JAM2: variants seen among roughly 807,000 people sequenced by gnomAD.
The protein encoded by JAM2 is junctional adhesion molecule B.
In JAM2, 17 loss-of-function variants were observed where a neutral mutation model predicts 42.0. The observed-to-expected ratio is 0.40, with a 90% CI of 0.28 to 0.61. The LOEUF (loss-of-function observed/expected upper bound fraction) is 0.61. Ranked by LOEUF, JAM2 falls within the 20% of genes least tolerant of loss-of-function variation. The probability of loss-of-function intolerance (pLI) is 0.37; values close to 1 mark genes in which losing one functional copy is unlikely to be tolerated. For missense variants in JAM2, 319 were observed against 358.3 expected (o/e 0.89, Z 0.89); for synonymous variants, 118 against 128.6 (o/e 0.92, Z 0.56).
chr21:25,680,537 A>C (rs2033604919), intron 1 of JAM2, among the ~76,000 whole-genome samples: 1 of 152,370 alleles, frequency 6.6e-6, no homozygotes, highest in African/African-American at 2.4e-5. Context: ...TTGTAAAAAT[A>C]AGACAAAGTT....
chr21:25,679,655 C>T (rs767725060), intron 1 of JAM2, among the ~76,000 whole-genome samples: 2 of 152,234 alleles, frequency 1.3e-5, no homozygotes, highest in Non-Finnish European at 2.9e-5. Context: ...GACCTCCCCT[C>T]TGGGGTTACG....
chr21:25,694,940 AGTTACAAGACTAAAACAGCTCCC>A (rs1477894239), intron 4 of JAM2, among the ~76,000 whole-genome samples: 1 of 151,004 alleles, frequency 6.6e-6, no homozygotes, highest in Admixed American at 6.6e-5. Flanking sequence ...TAATCTACCA[AGTTACAAGACTAAAACAGCTCCC>A]CTTCCTTTTT....
chr21:25,668,277 G>A (rs1337423191), intron 1 of JAM2, among the ~76,000 whole-genome samples: 1 of 152,234 alleles, frequency 6.6e-6, no homozygotes, highest in Admixed American at 6.5e-5. Context: ...GAGCAGAAGA[G>A]TGCCATGATC....
intron 1 of JAM2, chr21:25,643,570 G>C (rs751074273): frequency 7.2e-5 from 11 of 152,146 alleles, no homozygotes; most frequent in Non-Finnish European, 1.3e-4. Flanking sequence ...GGAAAATTCT[G>C]CCCTCTGTAT....
rs150826442 is a variant in JAM2 at position 25,665,760 on chromosome 21, G to A, written c.68-18123G>A. Among the ~76,000 whole-genome samples, 345 of 152,244 alleles carry A rather than the reference G, an allele frequency of 2.3e-3. 3 individuals carry two copies. Among genetic ancestry groups the A allele is most frequent in the African/African-American group, 7.9e-3 (329 of 41,534 alleles). ...TTACCGATTTAAATGTTAATCTCAC[G>A]CCACACACAGTGGCTCACGTCTGTA... On this transcript the variant is annotated intron_variant, in intron 1 of 9. Coordinates refer to ENST00000480456, the MANE Select transcript of JAM2 (RefSeq NM_021219.4).
At chr21:25,712,497 GTCTA>G in intron 9 of JAM2, 115 bp downstream of exon 9, 1 of 689,892 alleles carries the variant, frequency 1.4e-6, no homozygotes, top group South Asian at 1.9e-5. Context: ...TTGCACCAGT[GTCTA>G]TCACTGGTGT....
intron 1 of JAM2, among the ~76,000 whole-genome samples, chr21:25,660,383 A>T (rs2033046566): frequency 6.6e-6 from 1 of 152,200 alleles, no homozygotes; most frequent in Non-Finnish European, 1.5e-5. Flanking sequence ...ATTAACAGAG[A>T]GTGTGCTCAA....
chr21:25,692,027 C>T (rs8129913), intron 3 of JAM2, among the ~76,000 whole-genome samples: 71,388 of 150,158 alleles, frequency 0.48, 17,173 homozygotes, highest in South Asian at 0.67. Flanking sequence ...AAAAAATTTA[C>T]ATACATAATG....
intron 1 of JAM2, among the ~76,000 whole-genome samples, chr21:25,654,817 C>T (rs556043438): frequency 3.3e-4 from 50 of 152,194 alleles, no homozygotes; most frequent in African/African-American, 1.1e-3. Context: ...CAAGGTAGCA[C>T]GTGCATGAAC....
chr21:25,649,729 G>C (rs1051558725), intron 1 of JAM2, among the ~76,000 whole-genome samples: 4 of 152,160 alleles, frequency 2.6e-5, no homozygotes, highest in Non-Finnish European at 4.4e-5. Flanking sequence ...AGAGAGATGA[G>C]ACAATAGAGA....
chr21:25,655,350 ATTTTTT>A lies in JAM2; in HGVS notation c.67+15478_67+15483del, dbSNP rs751257378. On this transcript the variant is annotated intron_variant, in intron 1 of 9. Transcript: ENST00000480456. ...AACATGATAAATATACTGAAATTCT[ATTTTTT>A]TTTTTTTTTTTTTTTGTCCTTGAAG... Among the ~76,000 whole-genome samples the A allele has an allele frequency of 7.6e-3, 766 of 100,208 alleles. 8 individuals carry two copies. The highest frequency in any genetic ancestry group is 0.028 in the African/African-American group (731 of 25,848). 65.7% of individuals were successfully genotyped at this position (100,208 alleles called of 152,430 possible). A position where few individuals can be genotyped will look rare whatever the true frequency, so the allele number is the denominator to read the frequency against.
At chr21:25,666,418 G>A (rs929017547) in intron 1 of JAM2, among the ~76,000 whole-genome samples, 3 of 151,716 alleles carry the variant, frequency 2.0e-5, no homozygotes, top group Admixed American at 6.6e-5. Flanking sequence ...TCTGCCTCCC[G>A]GGTTCAAGCT....
chr21:25,693,614 A>G (rs1305767306), intron 3 of JAM2, 142 bp from the exon 4 acceptor site: 3 of 700,226 alleles, frequency 4.3e-6, no homozygotes. Flanking sequence ...AACAGCATCT[A>G]TATACAACTT....
chr21:25,703,743 C>T (rs1218481462), intron 6 of JAM2, among the ~76,000 whole-genome samples: 3 of 141,202 alleles, frequency 2.1e-5, no homozygotes, highest in East Asian at 4.0e-4. Flanking sequence ...AAAATGGTAC[C>T]TTCCTTTTAT....
intron 1 of JAM2, among the ~76,000 whole-genome samples, chr21:25,663,171 C>T (rs1438492922): frequency 6.6e-6 from 1 of 152,034 alleles, no homozygotes; most frequent in Non-Finnish European, 1.5e-5. Flanking sequence ...ACCATGGGTG[C>T]CTTGAACATA....
intron 2 of JAM2, among the ~76,000 whole-genome samples, chr21:25,689,319 T>C (rs962393270): frequency 9.2e-5 from 14 of 152,190 alleles, no homozygotes; most frequent in African/African-American, 3.4e-4. Flanking sequence ...AGTGAGAATA[T>C]AGCATGTTGT....
rs111937227 is a variant in JAM2, at chr21:25,663,526, C to G, written c.68-20357C>G. On this transcript the variant is annotated intron_variant, in intron 1 of 9. Coordinates refer to ENST00000480456, the MANE Select transcript of JAM2 (RefSeq NM_021219.4). ...TTAAGAAGTGATCGATTCATGAGGA[C>G]TCTGCCTTCATGAATGGATTAACCC... 4.1e-3 allele frequency among the ~76,000 whole-genome samples: 619 copies of G among 152,214 alleles called. 8 individuals are homozygous for G. Among genetic ancestry groups the G allele is most frequent in the African/African-American group, 0.014 (574 of 41,546 alleles).
chr21:25,643,462 T>G (rs1600983197), intron 1 of JAM2: 1 of 152,216 alleles, frequency 6.6e-6, no homozygotes. Context: ...TGATAAAGAT[T>G]GTGGTAGGGG....
At chr21:25,673,808 G>C (rs1175814907) in intron 1 of JAM2, among the ~76,000 whole-genome samples, 2 of 152,188 alleles carry the variant, frequency 1.3e-5, no homozygotes, top group East Asian at 3.9e-4. Context: ...GTTTGGCTGT[G>C]TCCCCACCCA....
Sources: gnomAD v4.1 joint callset for allele counts (sites outside exome capture counted in the v4.1 genomes callset) on GRCh38, gnomAD v4.1.1 for gene constraint, MANE v1.5 for transcripts, NCBI Gene and HGNC (gene_info 2026-07-23, HGNC 2026-07-21) for gene names.